Variants in ANKIB1 observed in about 807,000 individuals in gnomAD.
The protein encoded by ANKIB1 is ankyrin repeat and IBR domain containing 1.
Under a neutral mutation model 122.1 loss-of-function variants are expected in ANKIB1, and 43 were observed. The ratio of observed to expected loss-of-function variants is 0.35; its 90% CI spans 0.28 to 0.45. ANKIB1 has a LOEUF of 0.45. ANKIB1 is among the 20% of genes least tolerant of loss of function. The pLI is 1.00. For missense variants in ANKIB1, 992 were observed against 1,329.5 expected, an observed-to-expected ratio of 0.75 and a Z score of 3.95; for synonymous variants, 390 against 442.0, an observed-to-expected ratio of 0.88 and a Z score of 1.48.
chr7:92,396,760 A>G (rs527805949), intron 18 of ANKIB1, among the ~76,000 whole-genome samples: 2 of 152,314 alleles, frequency 1.3e-5, no homozygotes, highest in East Asian at 1.9e-4. Flanking sequence ...AGACACAATA[A>G]TAATAGTGCC....
chr7:92,246,258 G>A lies in ANKIB1; in HGVS notation c.-352G>A, dbSNP rs912206507. The A allele has an allele frequency of 1.8e-5, 7 of 387,786 alleles. No homozygotes were observed. The highest frequency in any genetic ancestry group is 3.5e-5 in the Non-Finnish European group (7 of 202,812). The allele number at this position is 387,786 out of a possible 1,614,324, so 24.0% of individuals were successfully genotyped here. A position where few individuals can be genotyped will look rare whatever the true frequency, so the allele number is the denominator to read the frequency against. On this transcript the variant is annotated 5_prime_UTR_variant, in exon 1 of 20. Coordinates refer to ENST00000265742, the MANE Select transcript of ANKIB1 (RefSeq NM_019004.2). Reference sequence around the variant, plus strand: ...GCGCAGCGGCCGGAGAGGGATGGGGGGCGCCCACCCAGTCTGAGCCTCGCC... The same window carrying A: ...GCGCAGCGGCCGGAGAGGGATGGGGAGCGCCCACCCAGTCTGAGCCTCGCC...
intron 1 of ANKIB1, among the ~76,000 whole-genome samples, chr7:92,290,156 T>C (rs1207628253): frequency 6.6e-6 from 1 of 152,242 alleles, no homozygotes; most frequent in East Asian, 1.9e-4. Flanking sequence ...CAGTAACCAC[T>C]AGAGCATTTC....
chr7:92,249,207 C>G (rs1018468594), intron 1 of ANKIB1, among the ~76,000 whole-genome samples: 1 of 152,086 alleles, frequency 6.6e-6, no homozygotes, highest in African/African-American at 2.4e-5. Context: ...CTTTCATGTC[C>G]ACTTCATTTC....
At chr7:92,254,671 T>C (rs1301355574) in intron 1 of ANKIB1, among the ~76,000 whole-genome samples, 1 of 152,256 alleles carries the variant, frequency 6.6e-6, no homozygotes, top group East Asian at 1.9e-4. Context: ...CATTTTTTCT[T>C]GTTGGATTTT....
At chr7:92,396,579 T>C (rs1183506221) in intron 18 of ANKIB1, 103 bp downstream of exon 18, 5 of 638,498 alleles carry the variant, frequency 7.8e-6, no homozygotes, top group East Asian at 2.8e-5. Flanking sequence ...CATTTAGATA[T>C]ACAATAAATA....
intron 2 of ANKIB1, among the ~76,000 whole-genome samples, chr7:92,296,247 G>T (rs1296305924): frequency 6.6e-6 from 1 of 151,506 alleles, no homozygotes; most frequent in African/African-American, 2.4e-5. Flanking sequence ...AATAGAAACG[G>T]TGTCTTGCTC....
intron 9 of ANKIB1, among the ~76,000 whole-genome samples, chr7:92,361,085 C>T (rs1348580257): frequency 6.6e-6 from 1 of 152,148 alleles, no homozygotes; most frequent in Non-Finnish European, 1.5e-5. Context: ...GTGATGATAT[C>T]ACTTCCAGAT....
intron 1 of ANKIB1, among the ~76,000 whole-genome samples, chr7:92,283,018 A>AT (rs1168631461): frequency 6.6e-6 from 1 of 152,100 alleles, no homozygotes; most frequent in African/African-American, 2.4e-5. Flanking sequence ...TTTTGCAGCT[A>AT]TTTTCATTTC....
chr7:92,298,989 C>CT (rs981647681), intron 2 of ANKIB1, among the ~76,000 whole-genome samples: 5 of 152,136 alleles, frequency 3.3e-5, no homozygotes, highest in African/African-American at 9.7e-5. Flanking sequence ...GAACTGCGTA[C>CT]TTTTTTAATG....
chr7:92,307,149 C>T (rs766031048), intron 2 of ANKIB1, among the ~76,000 whole-genome samples: 2 of 151,956 alleles, frequency 1.3e-5, no homozygotes, highest in Non-Finnish European at 2.9e-5. Flanking sequence ...AAGATATTTA[C>T]ATTTATTTTT....
chr7:92,271,717 G>A (rs1188329364), intron 1 of ANKIB1, among the ~76,000 whole-genome samples: 1 of 152,196 alleles, frequency 6.6e-6, no homozygotes, highest in Non-Finnish European at 1.5e-5. Flanking sequence ...CAGGAATCTA[G>A]ATTGAGTAGA....
At chr7:92,386,474 TG>T in intron 11 of ANKIB1, 34 bp from the exon 12 acceptor site, 1 of 1,548,620 alleles carries the variant, frequency 6.5e-7, no homozygotes, top group Admixed American at 2.1e-5. Context: ...CATATTAATA[TG>T]GGGAGATGTT....
chr7:92,366,778 C>G (rs1327868009), intron 10 of ANKIB1, among the ~76,000 whole-genome samples: 1 of 152,146 alleles, frequency 6.6e-6, no homozygotes, highest in African/African-American at 2.4e-5. Context: ...AGGGAGATAC[C>G]AAGGCCAAGA....
chr7:92,367,791 T>A (rs1804125188), intron 10 of ANKIB1, among the ~76,000 whole-genome samples: 1 of 152,240 alleles, frequency 6.6e-6, no homozygotes, highest in Non-Finnish European at 1.5e-5. Context: ...ATGGTTAATT[T>A]ATAAATTTTT....
chr7:92,270,942 C>T (rs1407472784), intron 1 of ANKIB1, among the ~76,000 whole-genome samples: 1 of 151,724 alleles, frequency 6.6e-6, no homozygotes, highest in Non-Finnish European at 1.5e-5. Flanking sequence ...TTTTGCAGAG[C>T]ACAGGTTTTT....
chr7:92,303,667 T>G (rs1405375722), intron 2 of ANKIB1, among the ~76,000 whole-genome samples: 1 of 151,986 alleles, frequency 6.6e-6, no homozygotes, highest in Non-Finnish European at 1.5e-5. Flanking sequence ...ATTAAGAGGA[T>G]TATTGAAAAA....
chr7:92,392,171 G>A (rs1804799911), intron 16 of ANKIB1, 70 bp from the exon 17 acceptor site: 1 of 1,318,120 alleles, frequency 7.6e-7, no homozygotes, highest in Non-Finnish European at 1.1e-6. Flanking sequence ...TGTTCAAAGG[G>A]CAAGGATCTG....
intron 1 of ANKIB1, among the ~76,000 whole-genome samples, chr7:92,291,288 CGTCTCAAAAAAA>C (rs953348022): frequency 1.4e-5 from 2 of 147,916 alleles, no homozygotes; most frequent in Non-Finnish European, 3.0e-5. Context: ...AGCGAGATCC[CGTCTCAAAAAAA>C]AAAAAAAAGA....
chr7:92,306,825 G>C (rs1802572171), intron 2 of ANKIB1, among the ~76,000 whole-genome samples: 4 of 152,146 alleles, frequency 2.6e-5, no homozygotes, highest in Admixed American at 2.0e-4. Flanking sequence ...GACCTTGGTG[G>C]AGAAAATTTT....
Sources: allele counts gnomAD v4.1 joint callset (sites outside exome capture counted in the v4.1 genomes callset), GRCh38; gene constraint gnomAD v4.1.1; transcripts MANE v1.5; gene names NCBI Gene and HGNC (gene_info 2026-07-23, HGNC 2026-07-21).